The following B4GALT1 variants were observed in gnomAD, a reference collection of about 807,000 sequenced individuals.
The protein encoded by B4GALT1 is beta-1,4-galactosyltransferase 1, also known as N-acetyllactosamine synthase.
A neutral mutation model predicts 34.9 loss-of-function variants in B4GALT1; 16 were observed. The ratio of observed to expected loss-of-function variants is 0.46; its 90% confidence interval spans 0.31 to 0.70. B4GALT1 has a LOEUF of 0.70. B4GALT1 is among the 30% of genes least tolerant of loss of function. The pLI, the probability that B4GALT1 is intolerant of heterozygous loss-of-function variation, is 0.05. For missense variants in B4GALT1, 445 were observed against 530.5 expected (o/e 0.84, Z 1.58); for synonymous variants, 221 against 218.1 (o/e 1.01, Z -0.12).
chr9:33,160,781 A>T (rs77998537), intron 1 of B4GALT1, among the ~76,000 whole-genome samples: 6,116 of 152,236 alleles, frequency 0.04, 176 homozygotes, highest in Non-Finnish European at 0.064. Flanking sequence ...AAGAAAAAAA[A>T]ATATATCAGC....
At chr9:33,152,319 C>T (rs866407862) in intron 1 of B4GALT1, among the ~76,000 whole-genome samples, 1 of 98,728 alleles carries the variant, frequency 1.0e-5, no homozygotes, top group Admixed American at 9.3e-5. Flanking sequence ...AATAACATAA[C>T]ATAACATAAC....
intron 1 of B4GALT1, among the ~76,000 whole-genome samples, chr9:33,162,756 C>A (rs2118318518): frequency 6.6e-6 from 1 of 152,348 alleles, no homozygotes; most frequent in South Asian, 2.1e-4. Flanking sequence ...TTTGGTTCAT[C>A]AGAGGCTCCA....
Position 33,167,092 on chromosome 9 carries a change from G to T in B4GALT1, c.78C>A (p.Leu26=). 1 of 1,604,814 alleles carries T rather than the reference G, an allele frequency of 6.2e-7. No individual in the cohort carries two copies. The highest frequency in any genetic ancestry group is 8.5e-7 in the Non-Finnish European group (1 of 1,179,006). ...GASLQRACRL[L]VAVCALHLGV... ...CAAGGTGCAGAGCGCAGACGGCCAC[G>T]AGCAGGCGGCAGGCCCGCTGTAGGG... Residue 26 remains leucine (L), a synonymous_variant, in exon 1 of 6, where the codon CTC becomes CTA. Transcript: ENST00000379731.
the B4GALT1 span, among the ~76,000 whole-genome samples, chr9:33,184,287 C>CACACACAT: frequency 7.0e-6 from 1 of 142,678 alleles, no homozygotes; most frequent in Non-Finnish European, 1.6e-5. Flanking sequence ...CACACACACA[C>CACACACAT]AAAAACATAG....
chr9:33,125,187 C>T (rs1840073449), intron 2 of B4GALT1, among the ~76,000 whole-genome samples: 1 of 152,160 alleles, frequency 6.6e-6, no homozygotes, highest in Non-Finnish European at 1.5e-5. Context: ...ATCGACCAGA[C>T]ATAGACTCTG....
chr9:33,133,871 C>A (rs1487890494), intron 2 of B4GALT1, among the ~76,000 whole-genome samples: 1 of 152,180 alleles, frequency 6.6e-6, no homozygotes, highest in Non-Finnish European at 1.5e-5. Context: ...CAGGAACATG[C>A]AAGGCTCCTT....
intron 2 of B4GALT1, among the ~76,000 whole-genome samples, chr9:33,122,084 T>G (rs575095743): frequency 6.6e-6 from 1 of 152,280 alleles, no homozygotes; most frequent in South Asian, 2.1e-4. Flanking sequence ...TTTGGAATCC[T>G]CATTCAATGC....
chr9:33,177,194 G>A, the B4GALT1 span, among the ~76,000 whole-genome samples: 12 of 152,182 alleles, frequency 7.9e-5, no homozygotes, highest in South Asian at 4.1e-4. Context: ...ATACCAAGGC[G>A]GCAAGTTCAA....
chr9:33,107,919 G>A (rs1388603893), downstream of B4GALT1, among the ~76,000 whole-genome samples: 1 of 152,082 alleles, frequency 6.6e-6, no homozygotes, highest in Non-Finnish European at 1.5e-5. Flanking sequence ...GCAGTCACTC[G>A]CCCTGAGGTT....
chr9:33,108,440 C>G (rs1809509496), downstream of B4GALT1, among the ~76,000 whole-genome samples: 1 of 104,586 alleles, frequency 9.6e-6, no homozygotes, highest in East Asian at 2.7e-4. Context: ...TATTGAAACT[C>G]TGTCTCTAAA....
At chr9:33,148,999 C>T (rs1840469509) in intron 1 of B4GALT1, among the ~76,000 whole-genome samples, 2 of 152,024 alleles carry the variant, frequency 1.3e-5, no homozygotes, top group African/African-American at 4.8e-5. Flanking sequence ...ATGCATAGGT[C>T]TGCATTAATA....
At chr9:33,149,667 A>C (rs2118238458) in intron 1 of B4GALT1, among the ~76,000 whole-genome samples, 1 of 152,334 alleles carries the variant, frequency 6.6e-6, no homozygotes, top group East Asian at 1.9e-4. Flanking sequence ...CTCAAGGTTC[A>C]CACTGCCAAT....
In B4GALT1 at chr9:33,125,487, C is replaced by A. The variant is rs114223355; in HGVS notation, c.649-4881G>T. On this transcript the variant is annotated intron_variant, in intron 2 of 5. Coordinates refer to ENST00000379731, the MANE Select transcript of B4GALT1 (RefSeq NM_001497.4). ...ATTTGTGCCCCAATCCAACTGAAGGCAAGGAGACCAGTTAGGAAGCTGTTG... is the reference window on the plus strand; with the variant it reads ...ATTTGTGCCCCAATCCAACTGAAGGAAAGGAGACCAGTTAGGAAGCTGTTG... 1.7e-3 allele frequency among the ~76,000 whole-genome samples: 263 copies of A among 152,240 alleles called. 1 individual carries two copies. The highest frequency in any genetic ancestry group is 5.9e-3 in the African/African-American group (246 of 41,538).
At chr9:33,166,716 G>A (rs1385330382) in intron 1 of B4GALT1, 42 bp downstream of exon 1, 2 of 1,478,970 alleles carry the variant, frequency 1.4e-6, no homozygotes, top group Non-Finnish European at 8.9e-7. Context: ...GGAAATCCGG[G>A]GGGGTCCCAA....
At position 33,111,100 on chromosome 9, in the gene B4GALT1, G is replaced by A. The variant is rs367581361; in HGVS notation, c.*2354C>T. The A allele has an allele frequency of 3.9e-5, 6 of 152,504 alleles. No individual in the cohort carries two copies. The highest frequency in any genetic ancestry group is 2.0e-4 in the Admixed American group (3 of 15,268). The allele number at this position is 152,504 out of a possible 1,614,324, so 9.4% of individuals were successfully genotyped here. A position where few individuals can be genotyped will look rare whatever the true frequency, so the allele number is the denominator to read the frequency against. On this transcript the variant is annotated 3_prime_UTR_variant, in exon 6 of 6. Transcript: ENST00000379731. ...GGAAACAGGACCCGCGGCATCTCAC[G>A]GACCAGGCAAACATCCAGGCCTAAC... is the stretch of plus-strand genomic sequence containing the variant.
At chr9:33,177,098 A>G in the B4GALT1 span, among the ~76,000 whole-genome samples, 2 of 152,176 alleles carry the variant, frequency 1.3e-5, no homozygotes, top group East Asian at 1.9e-4. Flanking sequence ...TTTGCTTGAA[A>G]CAAAATAGTT....
At position 33,113,897 on chromosome 9, in the gene B4GALT1, A is replaced by T; in HGVS notation, c.960-19T>A. 8 of 1,611,206 alleles carry T rather than the reference A, an allele frequency of 5.0e-6. No individual in the cohort carries two copies. The highest frequency in any genetic ancestry group is 4.5e-5 in the East Asian group (2 of 44,864). On this transcript the variant is annotated intron_variant, in intron 4 of 5. Transcript: ENST00000379731. ...AACTAATCTGCAAAGAGTAAAGGGA[A>T]AGTCATTATCACAGAGCTGCCATAC...
At chr9:33,171,704 G>A (rs72723007), upstream of B4GALT1, among the ~76,000 whole-genome samples, 22 of 152,178 alleles carry the variant, frequency 1.4e-4, no homozygotes, top group Admixed American at 2.6e-4. Flanking sequence ...ACCGGGATGC[G>A]CCTCCACGTC....
Position 33,113,321 on chromosome 9 carries a change from C to T in B4GALT1, c.*133G>A. On this transcript the variant is annotated 3_prime_UTR_variant, in exon 6 of 6. Transcript: ENST00000379731. Reference sequence around the variant, plus strand: ...CACTCGTCCTGGTCATCTGGAAAGCCATCTGAATGATGAGCGAAGGGGACC... The same window carrying T: ...CACTCGTCCTGGTCATCTGGAAAGCTATCTGAATGATGAGCGAAGGGGACC... 7.4e-7 allele frequency: 1 copy of T among 1,357,364 alleles called. No homozygotes were observed. Among genetic ancestry groups the T allele is most frequent in the Non-Finnish European group, 1.1e-6 (1 of 951,590 alleles). 84.1% of individuals were successfully genotyped at this position (1,357,364 alleles called of 1,614,324 possible). A position where few individuals can be genotyped will look rare whatever the true frequency, so the allele number is the denominator to read the frequency against.
Sources: gnomAD v4.1 joint callset for allele counts (sites outside exome capture counted in the v4.1 genomes callset) on GRCh38, gnomAD v4.1.1 for gene constraint, MANE v1.5 for transcripts, NCBI Gene and HGNC (gene_info 2026-07-23, HGNC 2026-07-21) for gene names.